MEAK7: variants seen among roughly 807,000 people sequenced by gnomAD.
MEAK7 encodes the protein MTOR-associated protein MEAK7.
MEAK7 carries 68 observed loss-of-function variants against 40.5 expected under a neutral mutation model. The observed-to-expected ratio is 1.68, with a 90% CI of 1.38 to 2.06. The LOEUF (loss-of-function observed/expected upper bound fraction) is 2.06. Ranked by LOEUF, MEAK7 falls within the 30% of genes most tolerant of loss-of-function variation. MEAK7 has a pLI of 0.00. For synonymous variants in MEAK7, 338 were observed against 231.9 expected, an observed-to-expected ratio of 1.46 and a Z score of -4.16; for missense variants, 918 against 580.5, an observed-to-expected ratio of 1.58 and a Z score of -5.98.
intron 6 of MEAK7, among the ~76,000 whole-genome samples, chr16:84,482,346 G>T (rs1255696309): frequency 2.6e-5 from 4 of 152,224 alleles, no homozygotes; most frequent in South Asian, 2.1e-4. Context: ...AATGGGCCAA[G>T]TGTGCCATCT....
chr16:84,497,932 GC>G lies in MEAK7; in HGVS notation c.153+1del. On this transcript the variant is annotated splice_donor_variant, in intron 2 of 7. Transcript: ENST00000343629. LOFTEE classifies it high-confidence loss of function. ...ACATGAACCACGGGTTGTTACTCTT[GC>G]CTGTAGTGCCTTCAGAGAGAAGGAT... The G allele has an allele frequency of 6.2e-7, 1 of 1,614,156 alleles. No homozygotes were observed. The highest frequency in any genetic ancestry group is 8.5e-7 in the Non-Finnish European group (1 of 1,180,020).
Position 84,480,621 on chromosome 16 carries a change from T to C in MEAK7, c.1165A>G (p.Thr389Ala), listed in dbSNP as rs144672796. The C allele has an allele frequency of 6.2e-7, 1 of 1,614,026 alleles. No homozygotes were observed. The highest frequency in any genetic ancestry group is 8.5e-7 in the Non-Finnish European group (1 of 1,179,962). Reference sequence around the variant, plus strand: ...GCCGACAGCTGCGGGCTGTTGTACGTGGTGCACGTGGGCTTGGCTCTGCTG... The same window carrying C: ...GCCGACAGCTGCGGGCTGTTGTACGCGGTGCACGTGGGCTTGGCTCTGCTG... ...GHSRAKPTCT[T>A]YNSPQLSAQE... Residue 389 changes from threonine (T) to alanine (A), a missense_variant, in exon 7 of 8, where the codon ACG becomes GCG. Transcript: ENST00000343629.
intron 5 of MEAK7, among the ~76,000 whole-genome samples, chr16:84,484,109 T>C (rs1182734796): frequency 6.6e-6 from 1 of 152,182 alleles, no homozygotes; most frequent in Non-Finnish European, 1.5e-5. Flanking sequence ...TGAGCCCGTC[T>C]TGCTGCGGAG....
At chr16:84,489,969 C>G (rs1913427432) in intron 3 of MEAK7, among the ~76,000 whole-genome samples, 2 of 152,120 alleles carry the variant, frequency 1.3e-5, no homozygotes, top group Admixed American at 6.6e-5. Context: ...GCCTGGGCCC[C>G]ACTCCTAGGA....
At chr16:84,486,259 A>C in intron 5 of MEAK7, 1 of 195,154 alleles carries the variant, frequency 5.1e-6, no homozygotes, top group Admixed American at 6.2e-5. Context: ...CAACAAGCAA[A>C]CGCGTGGCGG....
chr16:84,495,939 G>C, intron 2 of MEAK7, 26 bp from the exon 3 acceptor site: 1 of 1,610,884 alleles, frequency 6.2e-7, no homozygotes. Context: ...AGAAAAATAT[G>C]GTTAGACAGT....
intron 1 of MEAK7, among the ~76,000 whole-genome samples, chr16:84,501,255 G>T (rs1298727584): frequency 2.6e-5 from 4 of 152,144 alleles, no homozygotes; most frequent in African/African-American, 9.7e-5. Context: ...TGATTCACCA[G>T]GAAGTGGGAA....
chr16:84,501,741 C>T (rs930770550), intron 1 of MEAK7, among the ~76,000 whole-genome samples: 2 of 152,116 alleles, frequency 1.3e-5, no homozygotes, highest in South Asian at 2.1e-4. Context: ...AAGAACACAG[C>T]GCTGTCCACA....
chr16:84,492,569 T>TTTTATTTATTTATTTATTTA (rs58022971), intron 3 of MEAK7, among the ~76,000 whole-genome samples: 18,888 of 146,654 alleles, frequency 0.13, 1,531 homozygotes, highest in South Asian at 0.2. Context: ...AAGTGTTTTA[T>TTTTATTTATTTATTTATTTA]TTTATTTATT....
intron 2 of MEAK7, 81 bp from the exon 3 acceptor site, chr16:84,495,994 T>C (rs998664070): frequency 3.4e-6 from 5 of 1,487,094 alleles, no homozygotes; most frequent in South Asian, 1.2e-5. Context: ...TTTAGGCAGA[T>C]AGAGAGGAAA....
chr16:84,480,844 G>T, intron 6 of MEAK7, 136 bp from the exon 7 acceptor site: 1 of 959,530 alleles, frequency 1.0e-6, no homozygotes, highest in Non-Finnish European at 1.5e-6. Flanking sequence ...CCATCATCTT[G>T]TTTTCCTTAA....
rs563239777 is a variant in MEAK7, at chr16:84,492,367, T to C, written c.385-2945A>G. Among the ~76,000 whole-genome samples the C allele has an allele frequency of 2.2e-4, 34 of 152,240 alleles. No individual in the cohort carries two copies. The East Asian group carries it at 6.0e-3, about 27-fold the overall frequency. On this transcript the variant is annotated intron_variant, in intron 3 of 7. Transcript: ENST00000343629. Reference sequence around the variant, plus strand: ...TATGGTCAAGATGATTAAAATTTAATAGATTTGTTTATAAGACTTCACAGA... The same window carrying C: ...TATGGTCAAGATGATTAAAATTTAACAGATTTGTTTATAAGACTTCACAGA...
intron 3 of MEAK7, chr16:84,494,932 T>C: frequency 2.4e-6 from 1 of 412,188 alleles, no homozygotes. Context: ...GAAACTGCCT[T>C]TCCCTTTGTT....
At position 84,477,626 on chromosome 16, in the gene MEAK7, A is replaced by T. The variant is rs995493073; in HGVS notation, c.*2287T>A. On this transcript the variant is annotated 3_prime_UTR_variant, in exon 8 of 8. Coordinates refer to ENST00000343629, the MANE Select transcript of MEAK7 (RefSeq NM_020947.4). ...TCCTAGCACTTTCTAGGGCCCTGAT[A>T]AGTCTTCATTTGTAGGGAGACCTCT... The T allele has an allele frequency of 1.3e-5, 2 of 149,756 alleles. No homozygotes were observed. Among genetic ancestry groups the T allele is most frequent in the African/African-American group, 4.9e-5 (2 of 40,532 alleles). 9.3% of individuals were successfully genotyped at this position (149,756 alleles called of 1,614,324 possible).
At chr16:84,493,404 T>C (rs913181031) in intron 3 of MEAK7, among the ~76,000 whole-genome samples, 7 of 152,210 alleles carry the variant, frequency 4.6e-5, no homozygotes, top group African/African-American at 7.2e-5. Context: ...CTAGGACTCA[T>C]AGGGGGCTGA....
chr16:84,482,408 A>C (rs936768043), intron 6 of MEAK7, among the ~76,000 whole-genome samples, 184 bp downstream of exon 6: 3 of 152,174 alleles, frequency 2.0e-5, no homozygotes, highest in Non-Finnish European at 4.4e-5. Context: ...TCTCTAAGGG[A>C]AACCCTGGCC....
intron 6 of MEAK7, 83 bp from the exon 7 acceptor site, chr16:84,480,791 C>T: frequency 6.2e-6 from 9 of 1,455,696 alleles, no homozygotes; most frequent in Non-Finnish European, 7.4e-6. Context: ...CAGCCTCTCG[C>T]CTTAAGTACC....
At chr16:84,502,523 G>A (rs999456374) in intron 1 of MEAK7, among the ~76,000 whole-genome samples, 2 of 152,100 alleles carry the variant, frequency 1.3e-5, no homozygotes, top group Non-Finnish European at 2.9e-5. Flanking sequence ...GTTATGCACA[G>A]CTTTGCAGAG....
In MEAK7 at chr16:84,476,622, C is replaced by G. The variant is rs1597909416; in HGVS notation, c.*3291G>C. 6.6e-6 allele frequency: 1 copy of G among 152,046 alleles called. No homozygotes were observed. The allele number at this position is 152,046 out of a possible 1,614,324, so 9.4% of individuals were successfully genotyped here. A position where few individuals can be genotyped will look rare whatever the true frequency, so the allele number is the denominator to read the frequency against. On this transcript the variant is annotated 3_prime_UTR_variant, in exon 8 of 8. Transcript: ENST00000343629. ...GCTGCAGACGGTGGAACGCTAGGCCCGAGAGCATCCATATGGTGGGACATC... is the reference window on the plus strand; with the variant it reads ...GCTGCAGACGGTGGAACGCTAGGCCGGAGAGCATCCATATGGTGGGACATC...
Sources: allele counts gnomAD v4.1 joint callset (sites outside exome capture counted in the v4.1 genomes callset), GRCh38; gene constraint gnomAD v4.1.1; transcripts MANE v1.5; gene names NCBI Gene and HGNC (gene_info 2026-07-23, HGNC 2026-07-21).